PCDH15: variants seen among roughly 807,000 people sequenced by gnomAD.
PCDH15 encodes the protein protocadherin-15.
PCDH15 carries 129 observed loss-of-function variants against 178.5 expected under a neutral mutation model. The ratio of observed to expected loss-of-function variants is 0.72; its 90% CI spans 0.63 to 0.84. PCDH15 has a LOEUF of 0.84. Among genes scored for constraint, PCDH15 ranks in the 40% least tolerant of loss-of-function variants. PCDH15 has a pLI of 0.00. For synonymous variants in PCDH15, 800 were observed against 732.0 expected (o/e 1.09, Z -1.50); for missense variants, 2,230 against 2,099.9 (o/e 1.06, Z -1.21).
At chr10:54,608,394 C>T (rs1590469452) in intron 2 of PCDH15, among the ~76,000 whole-genome samples, 1 of 151,848 alleles carries the variant, frequency 6.6e-6, no homozygotes, top group Non-Finnish European at 1.5e-5. Context: ...AACGCTTCAA[C>T]TCGGGAGTTT....
At chr10:54,521,067 T>C (rs867594662) in intron 3 of PCDH15, among the ~76,000 whole-genome samples, 6 of 72,212 alleles carry the variant, frequency 8.3e-5, no homozygotes, top group African/African-American at 2.8e-4. Flanking sequence ...TGTTGTGGGG[T>C]GGGGGGAGGG....
At chr10:54,004,482 A>G (rs2092310350) in intron 20 of PCDH15, among the ~76,000 whole-genome samples, 1 of 151,972 alleles carries the variant, frequency 6.6e-6, no homozygotes, top group African/African-American at 2.4e-5. Flanking sequence ...CAAAATCAAC[A>G]CAGAAAAATC....
intron 5 of PCDH15, among the ~76,000 whole-genome samples, chr10:54,351,760 C>CT (rs1322078128): frequency 6.6e-6 from 1 of 152,078 alleles, no homozygotes; most frequent in Non-Finnish European, 1.5e-5. Flanking sequence ...CCCTGCCCAC[C>CT]TTTTTTTGCT....
intron 3 of PCDH15, among the ~76,000 whole-genome samples, chr10:54,813,413 C>G (rs1021200352): frequency 6.6e-6 from 1 of 152,198 alleles, no homozygotes; most frequent in African/African-American, 2.4e-5. Flanking sequence ...AAACCTTCCA[C>G]TATTCACTAC....
intron 3 of PCDH15, among the ~76,000 whole-genome samples, chr10:54,888,113 A>G (rs1205208457): frequency 1.3e-5 from 2 of 152,160 alleles, no homozygotes; most frequent in African/African-American, 2.4e-5. Flanking sequence ...ACATGAAACA[A>G]CCATTACAAT....
intron 2 of PCDH15, among the ~76,000 whole-genome samples, chr10:54,564,812 G>A (rs1187170007): frequency 6.6e-6 from 1 of 151,992 alleles, no homozygotes; most frequent in Non-Finnish European, 1.5e-5. Flanking sequence ...GAAGTCCATA[G>A]TATAAAACTG....
chr10:55,392,888 C>A (rs1837830506), intron 2 of PCDH15, among the ~76,000 whole-genome samples: 1 of 151,874 alleles, frequency 6.6e-6, no homozygotes, highest in Non-Finnish European at 1.5e-5. Context: ...AATGTATTAG[C>A]TCATTTAGTC....
At chr10:55,001,234 G>T (rs1839787768) in intron 2 of PCDH15, among the ~76,000 whole-genome samples, 1 of 152,194 alleles carries the variant, frequency 6.6e-6, no homozygotes, top group African/African-American at 2.4e-5. Context: ...CTGTTGCCCA[G>T]TAAGGCTCCT....
intron 23 of PCDH15, among the ~76,000 whole-genome samples, chr10:53,951,713 G>T (rs1245945397): frequency 6.6e-6 from 1 of 152,188 alleles, no homozygotes; most frequent in Admixed American, 6.5e-5. Flanking sequence ...TGTGGCTGGT[G>T]GCACCTTTAC....
At chr10:54,655,296 G>C (rs935735925) in intron 2 of PCDH15, among the ~76,000 whole-genome samples, 22 of 120,204 alleles carry the variant, frequency 1.8e-4, no homozygotes, top group South Asian at 3.0e-4. Context: ...GAGAGAGAGA[G>C]AGAGAGACAG....
chr10:54,363,935 G>A (rs913266346), intron 5 of PCDH15, among the ~76,000 whole-genome samples: 14 of 151,854 alleles, frequency 9.2e-5, no homozygotes, highest in South Asian at 4.1e-4. Flanking sequence ...AATATTGGAC[G>A]GTCACAGTGG....
intron 3 of PCDH15, among the ~76,000 whole-genome samples, chr10:54,489,756 T>G (rs1273551641): frequency 6.6e-6 from 1 of 152,180 alleles, no homozygotes; most frequent in East Asian, 1.9e-4. Flanking sequence ...ATATTATACC[T>G]TAATAGATCT....
chr10:54,231,771 AT>A (rs2054101521), intron 9 of PCDH15, among the ~76,000 whole-genome samples: 1 of 152,154 alleles, frequency 6.6e-6, no homozygotes, highest in Non-Finnish European at 1.5e-5. Context: ...TATTTTGGAG[AT>A]TTAAGATTTA....
At chr10:55,137,343 A>G (rs1857446) in intron 2 of PCDH15, among the ~76,000 whole-genome samples, 145,414 of 152,182 alleles carry the variant, frequency 0.96, 69,713 homozygotes, top group Middle Eastern at 1. Context: ...ACCTCAAATA[A>G]TCAGTATAGT....
At chr10:54,568,832 C>T (rs1470908028) in intron 2 of PCDH15, among the ~76,000 whole-genome samples, 4 of 151,866 alleles carry the variant, frequency 2.6e-5, no homozygotes, top group Non-Finnish European at 5.9e-5. Flanking sequence ...TTTTTAAACT[C>T]ATCATCATCA....
At chr10:53,832,331 A>G (rs986218201) in intron 29 of PCDH15, among the ~76,000 whole-genome samples, 1 of 152,004 alleles carries the variant, frequency 6.6e-6, no homozygotes. Context: ...TTTGTTATGT[A>G]TTTAATATCA....
chr10:54,742,589 T>C (rs1428438703), intron 1 of PCDH15, among the ~76,000 whole-genome samples: 2 of 151,972 alleles, frequency 1.3e-5, no homozygotes, highest in African/African-American at 4.8e-5. Flanking sequence ...GAAGAGACAA[T>C]AGATTTCCAC....
chr10:54,028,210 G>A (rs2093175717), intron 18 of PCDH15, among the ~76,000 whole-genome samples: 1 of 149,340 alleles, frequency 6.7e-6, no homozygotes, highest in South Asian at 2.2e-4. Context: ...CTGGCCATCA[G>A]AGAAATGCAA....
intron 2 of PCDH15, among the ~76,000 whole-genome samples, chr10:55,582,690 G>C (rs912490632): frequency 5.6e-5 from 8 of 142,736 alleles, no homozygotes; most frequent in African/African-American, 2.1e-4. Flanking sequence ...CCACAGGTCA[G>C]CCAACCACAA....
Sources: allele counts gnomAD v4.1 joint callset (sites outside exome capture counted in the v4.1 genomes callset), GRCh38; gene constraint gnomAD v4.1.1; transcripts MANE v1.5; gene names NCBI Gene and HGNC (gene_info 2026-07-23, HGNC 2026-07-21).